PRR16: variants seen among roughly 807,000 people sequenced by gnomAD.
PRR16 encodes protein Largen.
A neutral mutation model predicts 18.2 loss-of-function variants in PRR16; 6 were observed. The observed-to-expected ratio is 0.33, with a 90% CI of 0.18 to 0.65. The LOEUF is 0.65. Among genes scored for constraint, PRR16 ranks in the 30% least tolerant of loss-of-function variants. PRR16 has a pLI of 0.74. For missense variants in PRR16, 412 were observed against 376.6 expected, an observed-to-expected ratio of 1.09 and a Z score of -0.78; for synonymous variants, 151 against 147.8, an observed-to-expected ratio of 1.02 and a Z score of -0.16.
chr5:120,725,127 G>T, the PRR16 span, among the ~76,000 whole-genome samples: 1 of 151,954 alleles, frequency 6.6e-6, no homozygotes, highest in Non-Finnish European at 1.5e-5. Flanking sequence ...ATTGTATAAA[G>T]GTGCTGAAGT....
At chr5:120,662,334 G>T (rs561272222) in intron 1 of PRR16, among the ~76,000 whole-genome samples, 1 of 152,160 alleles carries the variant, frequency 6.6e-6, no homozygotes, top group Admixed American at 6.6e-5. Flanking sequence ...CCCTTCTGTA[G>T]TCACAGTGAT....
At chr5:120,791,635 CATCTATCTATCTATCT>C in the PRR16 span, among the ~76,000 whole-genome samples, 1 of 142,576 alleles carries the variant, frequency 7.0e-6, no homozygotes, top group African/African-American at 2.6e-5. Flanking sequence ...ATCCATCTAT[CATCTATCTATCTATCT>C]ATCTATCATC....
chr5:120,754,901 A>T, the PRR16 span, among the ~76,000 whole-genome samples: 22 of 151,654 alleles, frequency 1.5e-4, no homozygotes, highest in Admixed American at 5.3e-4. Flanking sequence ...AAAATATTTT[A>T]CTTGATAATG....
intron 1 of PRR16, among the ~76,000 whole-genome samples, chr5:120,530,624 A>G (rs1433416369): frequency 6.6e-6 from 1 of 152,098 alleles, no homozygotes; most frequent in Non-Finnish European, 1.5e-5. Flanking sequence ...TTCTAGGATA[A>G]CTTGATGGTC....
intron 1 of PRR16, among the ~76,000 whole-genome samples, chr5:120,536,240 A>T (rs915296544): frequency 6.6e-6 from 1 of 152,144 alleles, no homozygotes; most frequent in East Asian, 1.9e-4. Flanking sequence ...TAACCAATTG[A>T]TTTAAATATT....
chr5:120,753,126 T>G, the PRR16 span, among the ~76,000 whole-genome samples: 1 of 151,916 alleles, frequency 6.6e-6, no homozygotes, highest in Non-Finnish European at 1.5e-5. Flanking sequence ...TTGTAAAAGG[T>G]CAATCTGGTG....
chr5:120,525,465 A>G (rs561977379), intron 1 of PRR16, among the ~76,000 whole-genome samples: 1 of 152,068 alleles, frequency 6.6e-6, no homozygotes, highest in Non-Finnish European at 1.5e-5. Flanking sequence ...CATTTAAATC[A>G]TATCTGGAAC....
At chr5:120,509,142 A>G (rs1750742059) in intron 1 of PRR16, among the ~76,000 whole-genome samples, 1 of 152,138 alleles carries the variant, frequency 6.6e-6, no homozygotes, top group Non-Finnish European at 1.5e-5. Flanking sequence ...ATGTAGTAGC[A>G]CAGTAAATCT....
At chr5:120,704,673 A>G in the PRR16 span, among the ~76,000 whole-genome samples, 2 of 152,178 alleles carry the variant, frequency 1.3e-5, no homozygotes, top group African/African-American at 4.8e-5. Flanking sequence ...ACCTGGACCA[A>G]TTAAATCAGA....
chr5:120,746,930 A>G, the PRR16 span, among the ~76,000 whole-genome samples: 50 of 152,352 alleles, frequency 3.3e-4, no homozygotes, highest in Middle Eastern at 3.4e-3. Context: ...GTTATTGGAT[A>G]AAATCATCTT....
At chr5:120,470,424 C>T (rs72786243) in intron 1 of PRR16, among the ~76,000 whole-genome samples, 17,401 of 151,960 alleles carry the variant, frequency 0.11, 1,080 homozygotes, top group South Asian at 0.17. Flanking sequence ...AACATTTTGT[C>T]ATATTTTCTT....
chr5:120,540,892 A>G (rs957698374), intron 1 of PRR16, among the ~76,000 whole-genome samples: 13 of 152,154 alleles, frequency 8.5e-5, no homozygotes, highest in African/African-American at 3.1e-4. Flanking sequence ...TTAAATTATT[A>G]ATTTTGTGAT....
chr5:120,557,332 CAG>C (rs1233388868), intron 1 of PRR16, among the ~76,000 whole-genome samples: 3 of 151,992 alleles, frequency 2.0e-5, no homozygotes, highest in African/African-American at 7.2e-5. Flanking sequence ...TAGTTTTCCT[CAG>C]AGTTTGTATA....
intron 1 of PRR16, among the ~76,000 whole-genome samples, chr5:120,676,121 A>G (rs186915257): frequency 2.0e-5 from 3 of 152,000 alleles, no homozygotes; most frequent in Admixed American, 6.6e-5. Flanking sequence ...TGTGTATTTT[A>G]TTGTCACTGT....
chr5:120,762,202 T>C, the PRR16 span, among the ~76,000 whole-genome samples: 1 of 152,180 alleles, frequency 6.6e-6, no homozygotes, highest in South Asian at 2.1e-4. Flanking sequence ...CACTTTGATA[T>C]GTTAATTTCC....
At chr5:120,748,153 G>A in the PRR16 span, among the ~76,000 whole-genome samples, 1 of 151,890 alleles carries the variant, frequency 6.6e-6, no homozygotes, top group Non-Finnish European at 1.5e-5. Context: ...TATTAATATT[G>A]CCTTGAGAGA....
chr5:120,720,986 T>G, the PRR16 span, among the ~76,000 whole-genome samples: 1 of 152,058 alleles, frequency 6.6e-6, no homozygotes, highest in Non-Finnish European at 1.5e-5. Context: ...ATTCCATCAT[T>G]TCATCATTTA....
At chr5:120,656,444 A>G (rs1285909999) in intron 1 of PRR16, among the ~76,000 whole-genome samples, 1 of 146,060 alleles carries the variant, frequency 6.8e-6, no homozygotes, top group Non-Finnish European at 1.5e-5. Flanking sequence ...ATAGAAAGCC[A>G]TTCTAACAGT....
At chr5:120,709,705 T>G in the PRR16 span, among the ~76,000 whole-genome samples, 1 of 152,192 alleles carries the variant, frequency 6.6e-6, no homozygotes, top group African/African-American at 2.4e-5. Context: ...TCAGGTTTTT[T>G]TCAGCTCACA....
Sources: allele counts gnomAD v4.1 joint callset (sites outside exome capture counted in the v4.1 genomes callset), GRCh38; gene constraint gnomAD v4.1.1; transcripts MANE v1.5; gene names NCBI Gene and HGNC (gene_info 2026-07-23, HGNC 2026-07-21).